The following CTNND2 variants were observed in gnomAD, a reference collection of about 807,000 sequenced individuals.
The protein encoded by CTNND2 is catenin delta-2.
A neutral mutation model predicts 144.4 loss-of-function variants in CTNND2; 22 were observed. That is an observed-to-expected ratio of 0.15 (90% confidence interval 0.11 to 0.22). The LOEUF (loss-of-function observed/expected upper bound fraction) is 0.22, where lower values mean the gene tolerates loss of function less well. Among genes scored for constraint, CTNND2 ranks in the 10% least tolerant of loss-of-function variants. The pLI is 1.00. For synonymous variants in CTNND2, 751 were observed against 695.6 expected, an observed-to-expected ratio of 1.08 and a Z score of -1.25; for missense variants, 1,353 against 1,618.8, an observed-to-expected ratio of 0.84 and a Z score of 2.82.
At chr5:11,131,761 C>T (rs1580376030) in intron 12 of CTNND2, among the ~76,000 whole-genome samples, 2 of 152,238 alleles carry the variant, frequency 1.3e-5, no homozygotes, top group East Asian at 1.9e-4. Context: ...TGCACTCCAG[C>T]CTGGGCGATA....
rs562274831 is a variant in CTNND2 at position 11,681,168 on chromosome 5, G to T, written c.174+50968C>A. Among the ~76,000 whole-genome samples, 6 of 152,250 alleles carry T rather than the reference G, an allele frequency of 3.9e-5. No homozygotes were observed. The East Asian group carries it at 1.2e-3, about 29-fold the overall frequency. ...GAATAAACTGGCTAAGAAAACAGAA[G>T]AACAGTCAGAATGGTAAGAGGAAAA... On this transcript the variant is annotated intron_variant, in intron 2 of 21. Coordinates refer to ENST00000304623, the MANE Select transcript of CTNND2 (RefSeq NM_001332.4).
intron 16 of CTNND2, among the ~76,000 whole-genome samples, chr5:11,082,127 T>C (rs538567818): frequency 1.1e-4 from 16 of 152,322 alleles, no homozygotes; most frequent in Admixed American, 3.3e-4. Flanking sequence ...TTTCTGTCTG[T>C]TTTGCTTATT....
At chr5:11,755,513 G>A (rs1788879023) in intron 1 of CTNND2, among the ~76,000 whole-genome samples, 1 of 151,578 alleles carries the variant, frequency 6.6e-6, no homozygotes, top group East Asian at 1.9e-4. Flanking sequence ...AAAGTTTTCA[G>A]GGAAGATATC....
chr5:11,215,342 A>T (rs1739065640), intron 10 of CTNND2, among the ~76,000 whole-genome samples: 1 of 152,220 alleles, frequency 6.6e-6, no homozygotes, highest in African/African-American at 2.4e-5. Flanking sequence ...TTTTTATTTC[A>T]TGAAGTGAGA....
chr5:11,551,481 G>A (rs1775763941), intron 3 of CTNND2, among the ~76,000 whole-genome samples: 1 of 135,680 alleles, frequency 7.4e-6, no homozygotes, highest in African/African-American at 2.9e-5. Flanking sequence ...CTGTTACCCA[G>A]GCTGGAGTGC....
At chr5:11,273,347 C>T (rs948846178) in intron 9 of CTNND2, among the ~76,000 whole-genome samples, 8 of 152,022 alleles carry the variant, frequency 5.3e-5, no homozygotes, top group South Asian at 2.1e-4. Flanking sequence ...ATGGGGAATA[C>T]GCACATCAGG....
intron 11 of CTNND2, among the ~76,000 whole-genome samples, chr5:11,175,906 C>G (rs1368988231): frequency 1.3e-5 from 2 of 152,196 alleles, no homozygotes; most frequent in Non-Finnish European, 2.9e-5. Context: ...TCATTCTCAT[C>G]TTTGGAGATC....
At chr5:11,700,337 C>A (rs1029665984) in intron 2 of CTNND2, among the ~76,000 whole-genome samples, 2 of 152,108 alleles carry the variant, frequency 1.3e-5, no homozygotes, top group Non-Finnish European at 2.9e-5. Flanking sequence ...GTGCAGTGAG[C>A]CAAGATCATG....
chr5:11,809,734 G>C (rs1310400727), intron 1 of CTNND2, among the ~76,000 whole-genome samples: 1 of 152,230 alleles, frequency 6.6e-6, no homozygotes, highest in Non-Finnish European at 1.5e-5. Flanking sequence ...TCACAGTTTA[G>C]TAGAGGAGAA....
At chr5:11,102,200 G>A (rs955632097) in intron 14 of CTNND2, among the ~76,000 whole-genome samples, 6 of 152,076 alleles carry the variant, frequency 3.9e-5, no homozygotes, top group Non-Finnish European at 8.8e-5. Context: ...AAAAGTTCTA[G>A]TATCCCTTGA....
chr5:11,558,341 CGTGTGTGTGTGTGTGTGTGT>C (rs59741742), intron 3 of CTNND2, among the ~76,000 whole-genome samples: 1 of 132,120 alleles, frequency 7.6e-6, no homozygotes, highest in African/African-American at 2.8e-5. Flanking sequence ...GTGAGAAACA[CGTGTGTGTGTGTGTGTGTGT>C]GTGTGTGTGT....
intron 9 of CTNND2, among the ~76,000 whole-genome samples, chr5:11,344,052 C>T (rs1045622637): frequency 6.6e-6 from 1 of 152,184 alleles, no homozygotes; most frequent in African/African-American, 2.4e-5. Context: ...AAAATCTTGT[C>T]TTAAAAGAAT....
intron 9 of CTNND2, among the ~76,000 whole-genome samples, chr5:11,339,377 G>A (rs1580952866): frequency 6.6e-6 from 1 of 152,232 alleles, no homozygotes; most frequent in African/African-American, 2.4e-5. Context: ...AAATAAGGCA[G>A]ATGTGACAAA....
intron 10 of CTNND2, among the ~76,000 whole-genome samples, chr5:11,235,997 G>A (rs936678669): frequency 6.6e-6 from 1 of 151,954 alleles, no homozygotes; most frequent in African/African-American, 2.4e-5. Context: ...TTCCTTATAC[G>A]CAAATGCTTG....
At chr5:11,433,994 C>T (rs1356903176) in intron 3 of CTNND2, among the ~76,000 whole-genome samples, 1 of 152,136 alleles carries the variant, frequency 6.6e-6, no homozygotes, top group African/African-American at 2.4e-5. Context: ...AAACAAAAAG[C>T]ATATATTTAC....
At chr5:10,987,785 C>T (rs181315537) in intron 20 of CTNND2, among the ~76,000 whole-genome samples, 19 of 149,410 alleles carry the variant, frequency 1.3e-4, no homozygotes, top group African/African-American at 4.7e-4. Context: ...CTGCCTCCAT[C>T]GAGTCCCCTC....
intron 5 of CTNND2, among the ~76,000 whole-genome samples, chr5:11,400,879 T>TAAGA (rs1760583312): frequency 6.6e-6 from 1 of 152,246 alleles, no homozygotes; most frequent in Non-Finnish European, 1.5e-5. Context: ...CCTTATCTTC[T>TAAGA]GTCTCCAAGT....
chr5:11,107,602 G>A lies in CTNND2; in HGVS notation c.2463+3256C>T, dbSNP rs573650383. ...GGATCAAAAGTCCTGCTTCTCCAGG[G>A]ATACTTTTTGACACATACACATATA... On this transcript the variant is annotated intron_variant, in intron 14 of 21. Transcript: ENST00000304623. 8.6e-4 allele frequency among the ~76,000 whole-genome samples: 131 copies of A among 152,288 alleles called. 1 individual carries two copies. The highest frequency in any genetic ancestry group is 3.0e-3 in the African/African-American group (124 of 41,552).
Position 11,098,167 on chromosome 5 carries a change from C to T in CTNND2, c.2637+408G>A, listed in dbSNP as rs1751538406. On this transcript the variant is annotated intron_variant, in intron 15 of 21. Coordinates refer to ENST00000304623, the MANE Select transcript of CTNND2 (RefSeq NM_001332.4). ...TTTTCTTTTCTTTTGGGGCTGGGAC[C>T]CGGTACATTTTAAGTGTTCACATGG... Among the ~76,000 whole-genome samples the T allele has an allele frequency of 2.0e-5, 3 of 151,966 alleles. No individual in the cohort carries two copies. The South Asian group carries it at 6.2e-4, about 32-fold the overall frequency.
Sources: gnomAD v4.1 joint callset for allele counts (sites outside exome capture counted in the v4.1 genomes callset) on GRCh38, gnomAD v4.1.1 for gene constraint, MANE v1.5 for transcripts, NCBI Gene and HGNC (gene_info 2026-07-23, HGNC 2026-07-21) for gene names.